Variants in TLN2 observed in about 807,000 individuals in gnomAD.
TLN2 encodes the protein talin-2.
In TLN2, 118 loss-of-function variants were observed where a neutral mutation model predicts 294.7. The observed-to-expected ratio is 0.40, with a 90% CI of 0.34 to 0.47. The LOEUF is 0.47. Among genes scored for constraint, TLN2 ranks in the 20% least tolerant of loss-of-function variants. The pLI, the probability that TLN2 is intolerant of heterozygous loss-of-function variation, is 0.84. For synonymous variants in TLN2, 1,431 were observed against 1,304.5 expected, an observed-to-expected ratio of 1.10 and a Z score of -2.09; for missense variants, 3,083 against 3,282.2, an observed-to-expected ratio of 0.94 and a Z score of 1.48.
chr15:62,633,868 G>T (rs116980203), intron 3 of TLN2, among the ~76,000 whole-genome samples: 41 of 152,230 alleles, frequency 2.7e-4, no homozygotes, highest in Non-Finnish European at 5.1e-4. Flanking sequence ...CATGGTGTTG[G>T]CAGGGTTGGT....
intron 1 of TLN2, among the ~76,000 whole-genome samples, chr15:62,447,184 T>TTTATTTATTTATTTATTTAA (rs1369075863): frequency 2.6e-5 from 4 of 151,760 alleles, no homozygotes; most frequent in African/African-American, 9.7e-5. Flanking sequence ...TATTTATTTA[T>TTTATTTATTTATTTATTTAA]TTAATTAGGA....
intron 1 of TLN2, among the ~76,000 whole-genome samples, chr15:62,490,647 C>G (rs917397050): frequency 1.3e-5 from 2 of 151,970 alleles, no homozygotes; most frequent in Non-Finnish European, 2.9e-5. Flanking sequence ...TGTGTTCTTA[C>G]TTTTTAAAGA....
intron 41 of TLN2, among the ~76,000 whole-genome samples, chr15:62,767,079 G>C (rs2063053207): frequency 6.6e-6 from 1 of 152,114 alleles, no homozygotes; most frequent in Admixed American, 6.5e-5. Context: ...TAACCACCTT[G>C]GGTTTCCTAG....
intron 1 of TLN2, among the ~76,000 whole-genome samples, chr15:62,534,638 G>A (rs2041234980): frequency 6.6e-6 from 1 of 152,162 alleles, no homozygotes. Flanking sequence ...GATCAAGTCA[G>A]ACTTCAGCCC....
chr15:62,697,887 G>A lies in TLN2; in HGVS notation c.1473+19G>A, dbSNP rs556085510. On this transcript the variant is annotated intron_variant, in intron 15 of 58. Coordinates refer to ENST00000636159, the MANE Select transcript of TLN2 (RefSeq NM_015059.3). ...GCCACTGGTGAGGCTTCCTGTGCTC[G>A]TCCCCCACTCGTTAGTCTGCTGCCT... 1.4e-5 allele frequency: 22 copies of A among 1,607,608 alleles called. No homozygotes were observed. The highest frequency in any genetic ancestry group is 6.6e-5 in the South Asian group (6 of 90,682).
chr15:62,602,657 A>G, intron 2 of TLN2, among the ~76,000 whole-genome samples: 1 of 151,764 alleles, frequency 6.6e-6, no homozygotes, highest in Non-Finnish European at 1.5e-5. Context: ...GCTGGTTTAC[A>G]GATGCAGCCG....
intron 1 of TLN2, among the ~76,000 whole-genome samples, chr15:62,480,339 G>A (rs1245399899): frequency 1.3e-5 from 2 of 152,040 alleles, no homozygotes; most frequent in African/African-American, 4.8e-5. Flanking sequence ...TCAACTTCCC[G>A]AGTAGCTGGG....
intron 1 of TLN2, among the ~76,000 whole-genome samples, chr15:62,532,950 G>A (rs79935205): frequency 6.6e-6 from 1 of 152,046 alleles, no homozygotes; most frequent in African/African-American, 2.4e-5. Flanking sequence ...TGGGGAAGGG[G>A]TTGTTAAACA....
At chr15:62,688,500 A>G (rs1409796411) in intron 12 of TLN2, among the ~76,000 whole-genome samples, 4 of 152,220 alleles carry the variant, frequency 2.6e-5, no homozygotes, top group East Asian at 1.9e-4. Flanking sequence ...AGTGGGCTCT[A>G]TAAATACCAG....
At chr15:62,836,839 T>TAATC (rs1484707769) in intron 57 of TLN2, among the ~76,000 whole-genome samples, 1 of 152,262 alleles carries the variant, frequency 6.6e-6, no homozygotes, top group Non-Finnish European at 1.5e-5. Flanking sequence ...TGTCCAGTTG[T>TAATC]AATCATGGCG....
rs776799987 is a variant in TLN2 at position 62,736,926 on chromosome 15, C to T, written c.3407C>T (p.Ala1136Val). The T allele has an allele frequency of 6.2e-6, 10 of 1,614,098 alleles. No homozygotes were observed. Among genetic ancestry groups the T allele is most frequent in the Non-Finnish European group, 8.5e-6 (10 of 1,180,056 alleles). Residue 1136 changes from alanine to valine, a missense_variant, in exon 29 of 59, where the codon GCC becomes GTC. Coordinates refer to ENST00000636159, the MANE Select transcript of TLN2 (RefSeq NM_015059.3). ...TAQALKTLAQ[A>V]ARGVAASTTD... ...CAAGCTCTGAAAACACTGGCCCAGG[C>T]CGCCCGTGGAGTGGCTGCATCGACA...
chr15:62,806,310 C>T (rs2066280276), intron 51 of TLN2, among the ~76,000 whole-genome samples: 1 of 152,172 alleles, frequency 6.6e-6, no homozygotes, highest in African/African-American at 2.4e-5. Flanking sequence ...CCTAATCCTC[C>T]CCCTTCTTTC....
chr15:62,653,621 G>C (rs1205278556), intron 7 of TLN2, among the ~76,000 whole-genome samples: 5 of 152,062 alleles, frequency 3.3e-5, no homozygotes, highest in Non-Finnish European at 5.9e-5. Flanking sequence ...CAGCTACTCA[G>C]GAGGCTCAGG....
At chr15:62,623,380 A>G (rs1012695182) in intron 3 of TLN2, among the ~76,000 whole-genome samples, 31 of 152,198 alleles carry the variant, frequency 2.0e-4, no homozygotes, top group African/African-American at 7.5e-4. Flanking sequence ...TCAAAGAGAA[A>G]GGTAGTATCT....
chr15:62,686,654 G>C lies in TLN2; in HGVS notation c.971G>C (p.Gly324Ala). ...CTCCTGTTTCAGGAGAAGATGAAAG[G>C]CAAGAACAAGCTGGTGCCTCGCCTG... is the stretch of plus-strand genomic sequence containing the variant. Reference protein sequence around the residue: ...SFFLVKEKMKGKNKLVPRLLG... With the variant: ...SFFLVKEKMKAKNKLVPRLLG... The change falls in exon 12 of 59, where the codon GGC (glycine) becomes GCC (alanine). Residue 324 changes from glycine to alanine, a missense_variant. By Grantham distance (60) the Gly-to-Ala change is moderately conservative. Coordinates refer to ENST00000636159, the MANE Select transcript of TLN2 (RefSeq NM_015059.3). 6.2e-7 allele frequency: 1 copy of C among 1,613,044 alleles called. No homozygotes were observed. The highest frequency in any genetic ancestry group is 2.2e-5 in the East Asian group (1 of 44,864).
intron 1 of TLN2, among the ~76,000 whole-genome samples, chr15:62,532,433 A>G (rs1388953541): frequency 1.3e-5 from 2 of 152,198 alleles, no homozygotes; most frequent in Non-Finnish European, 2.9e-5. Context: ...AAAGTTCATG[A>G]ACTTTCATCA....
In TLN2 at chr15:62,489,516, C is replaced by T. The variant is rs375957834; in HGVS notation, c.-238+98831C>T. On this transcript the variant is annotated intron_variant, in intron 1 of 58. Transcript: ENST00000636159. ...TCTGGATCCTGACTTTATTTTTTAA[C>T]ACTCTCCTTCTCCCCTCCACCCTGC... 2.0e-5 allele frequency among the ~76,000 whole-genome samples: 3 copies of T among 152,138 alleles called. No homozygotes were observed. The South Asian group carries it at 6.2e-4, about 31-fold the overall frequency.
At chr15:62,596,120 C>A (rs542557369) in intron 2 of TLN2, among the ~76,000 whole-genome samples, 128 of 152,052 alleles carry the variant, frequency 8.4e-4, no homozygotes, top group African/African-American at 3.0e-3. Context: ...AAAAAATTAG[C>A]CGGGCGCAGT....
intron 1 of TLN2, among the ~76,000 whole-genome samples, chr15:62,584,586 C>A (rs2045431424): frequency 6.6e-6 from 1 of 152,226 alleles, no homozygotes; most frequent in Non-Finnish European, 1.5e-5. Context: ...AACTGGGCAT[C>A]TCCCCTTGGA....
Sources: gnomAD v4.1 joint callset for allele counts (sites outside exome capture counted in the v4.1 genomes callset) on GRCh38, gnomAD v4.1.1 for gene constraint, MANE v1.5 for transcripts, NCBI Gene and HGNC (gene_info 2026-07-23, HGNC 2026-07-21) for gene names.